PCLO: variants seen among roughly 807,000 people sequenced by gnomAD.
PCLO encodes the protein piccolo presynaptic cytomatrix protein.
In PCLO, 82 loss-of-function variants were observed where a neutral mutation model predicts 427.5. The observed-to-expected ratio is 0.19, with a 90% CI of 0.16 to 0.23. The LOEUF is 0.23. PCLO is among the 10% of genes least tolerant of loss of function. The pLI is 1.00. For synonymous variants in PCLO, 2,357 were observed against 2,155.4 expected, an observed-to-expected ratio of 1.09 and a Z score of -2.59; for missense variants, 6,239 against 6,115.9, an observed-to-expected ratio of 1.02 and a Z score of -0.67.
intron 22 of PCLO, among the ~76,000 whole-genome samples, chr7:82,788,975 T>A (rs1791043456): frequency 6.6e-6 from 1 of 152,084 alleles, no homozygotes; most frequent in Non-Finnish European, 1.5e-5. Context: ...GTTCTTTTAA[T>A]CTGTATCACA....
intron 22 of PCLO, among the ~76,000 whole-genome samples, chr7:82,777,012 C>T (rs1421888007): frequency 3.3e-5 from 5 of 151,848 alleles, no homozygotes; most frequent in Non-Finnish European, 7.4e-5. Flanking sequence ...GAGATATTCC[C>T]AACTTTTTAA....
chr7:82,812,907 T>A (rs1156995232), intron 20 of PCLO, among the ~76,000 whole-genome samples: 1 of 151,062 alleles, frequency 6.6e-6, no homozygotes, highest in African/African-American at 2.4e-5. Flanking sequence ...CAACTGACAA[T>A]TGGAGAAAAA....
intron 10 of PCLO, among the ~76,000 whole-genome samples, chr7:82,847,911 T>A (rs886246719): frequency 6.6e-6 from 1 of 152,158 alleles, no homozygotes; most frequent in Non-Finnish European, 1.5e-5. Flanking sequence ...GCTGTTGTCA[T>A]CTTGACATTC....
In PCLO at chr7:83,155,170, G is replaced by A. The variant is rs767318084; in HGVS notation, c.1471C>T (p.Pro491Ser). ...PQQPGPAKPP[P>S]QQPGSAKPPS... Reference sequence around the variant, plus strand: ...GGCTTTGCTGAGCCAGGCTGTTGAGGTGGGGGCTTTGCTGGGCCAGGCTGT... The same window carrying A: ...GGCTTTGCTGAGCCAGGCTGTTGAGATGGGGGCTTTGCTGGGCCAGGCTGT... Residue 491 changes from proline to serine, a missense_variant, in exon 2 of 25, where the codon CCT (proline) becomes TCT (serine). This residue lies in a region of PCLO where 4,677 missense variants were observed against 4,468.4 expected (regional missense o/e 1.05). Coordinates refer to ENST00000333891, the MANE Select transcript of PCLO (RefSeq NM_033026.6). 121 of 1,569,382 alleles carry A rather than the reference G, an allele frequency of 7.7e-5. 3 individuals are homozygous for A. The South Asian group carries it at 1.2e-3, about 16-fold the overall frequency.
At chr7:82,866,653 TATACACAC>T (rs1488911227) in intron 10 of PCLO, among the ~76,000 whole-genome samples, 1 of 97,378 alleles carries the variant, frequency 1.0e-5, no homozygotes, top group African/African-American at 4.1e-5. Context: ...AATGAAATTT[TATACACAC>T]ACACACACAC....
intron 3 of PCLO, among the ~76,000 whole-genome samples, chr7:83,050,271 T>TA (rs60841081): frequency 4.5e-4 from 43 of 94,650 alleles, no homozygotes; most frequent in South Asian, 1.6e-3. Context: ...AAGTGCTTTT[T>TA]AAAAAAAAAA....
chr7:82,803,278 G>A (rs887334481), intron 21 of PCLO, among the ~76,000 whole-genome samples: 1 of 152,070 alleles, frequency 6.6e-6, no homozygotes, highest in African/African-American at 2.4e-5. Flanking sequence ...AAACTCTATT[G>A]AAAGTGCAGG....
intron 16 of PCLO, among the ~76,000 whole-genome samples, chr7:82,830,490 C>T (rs1336980646): frequency 6.6e-6 from 1 of 151,806 alleles, no homozygotes; most frequent in Non-Finnish European, 1.5e-5. Context: ...TTAGTGACGA[C>T]TTTTAAGTTA....
At chr7:82,928,249 G>A (rs1794759368) in intron 6 of PCLO, among the ~76,000 whole-genome samples, 1 of 152,144 alleles carries the variant, frequency 6.6e-6, no homozygotes, top group South Asian at 2.1e-4. Flanking sequence ...TGTACTTGAA[G>A]CAAATGTTTA....
At chr7:82,811,910 TTA>T (rs1349501520) in intron 20 of PCLO, among the ~76,000 whole-genome samples, 1 of 151,372 alleles carries the variant, frequency 6.6e-6, no homozygotes, top group Non-Finnish European at 1.5e-5. Context: ...TAGATGACTA[TTA>T]GTCATTACAG....
At chr7:82,875,650 T>C (rs1793351846) in intron 10 of PCLO, among the ~76,000 whole-genome samples, 2 of 152,060 alleles carry the variant, frequency 1.3e-5, no homozygotes, top group Admixed American at 6.6e-5. Flanking sequence ...TCTATGCCAC[T>C]GAGTGCTGCA....
chr7:83,058,638 C>A (rs2116303998), intron 3 of PCLO, among the ~76,000 whole-genome samples: 1 of 152,170 alleles, frequency 6.6e-6, no homozygotes, highest in African/African-American at 2.4e-5. Flanking sequence ...TAAATTAACT[C>A]ATTTAATCCT....
In PCLO at chr7:82,960,623, T is replaced by G. The variant is rs185028461; in HGVS notation, c.4018-3688A>C. 1.6e-3 allele frequency among the ~76,000 whole-genome samples: 242 copies of G among 152,242 alleles called. 2 individuals carry two copies. The highest frequency in any genetic ancestry group is 3.4e-3 in the Middle Eastern group (1 of 294). Reference sequence around the variant, plus strand: ...ACTTTTAAAATATTAAACTAAAAATTTAAAAATGTGTATGTAATTTTCAAA... The same window carrying G: ...ACTTTTAAAATATTAAACTAAAAATGTAAAAATGTGTATGTAATTTTCAAA... On this transcript the variant is annotated intron_variant, in intron 4 of 24. Transcript: ENST00000333891.
chr7:82,886,378 A>C (rs1425985657), intron 9 of PCLO, among the ~76,000 whole-genome samples: 1 of 146,958 alleles, frequency 6.8e-6, no homozygotes, highest in Admixed American at 6.8e-5. Flanking sequence ...TATATCTGTT[A>C]AATGAATAAG....
At position 82,865,210 on chromosome 7, in the gene PCLO, G is replaced by A. The variant is rs532657178; in HGVS notation, c.13654+14127C>T. On this transcript the variant is annotated intron_variant, in intron 10 of 24. Transcript: ENST00000333891. ...CCACCTGTAGAACCACACAAATGCC[G>A]GGCATGGCGGCTTACACCTGGAGTC... Among the ~76,000 whole-genome samples the A allele has an allele frequency of 1.4e-4, 21 of 152,102 alleles. No homozygotes were observed. The East Asian group carries it at 2.7e-3, about 20-fold the overall frequency.
intron 22 of PCLO, among the ~76,000 whole-genome samples, chr7:82,776,143 ATTTTT>A (rs775561447): frequency 1.6e-4 from 24 of 152,098 alleles, no homozygotes; most frequent in Admixed American, 5.9e-4. Flanking sequence ...TTCCCTTGCA[ATTTTT>A]ATGTACCTTT....
At chr7:82,862,431 C>G (rs1372843697) in intron 10 of PCLO, among the ~76,000 whole-genome samples, 1 of 151,470 alleles carries the variant, frequency 6.6e-6, no homozygotes, top group South Asian at 2.1e-4. Flanking sequence ...TCATATGAAC[C>G]CACAATCCTA....
Position 82,956,076 on chromosome 7 carries a change from C to T in PCLO, c.4877G>A (p.Arg1626His), listed in dbSNP as rs1281951299. Residue 1626 changes from arginine to histidine, a missense_variant, in exon 5 of 25, where the codon CGT (arginine) becomes CAT (histidine). Transcript: ENST00000333891. Reference sequence around the variant, plus strand: ...ATCGTCTTCATCATGCCATGAGTGACGTCTTCCTGCATCTTCATCAATGCT... The same window carrying T: ...ATCGTCTTCATCATGCCATGAGTGATGTCTTCCTGCATCTTCATCAATGCT... ...STSIDEDAGR[R>H]HSWHDEDDEA... 17 of 1,611,988 alleles carry T rather than the reference C, an allele frequency of 1.1e-5. No individual in the cohort carries two copies. Among genetic ancestry groups the T allele is most frequent in the East Asian group, 2.2e-5 (1 of 44,882 alleles).
intron 6 of PCLO, among the ~76,000 whole-genome samples, chr7:82,917,487 T>G (rs1794495725): frequency 6.6e-6 from 1 of 152,074 alleles, no homozygotes; most frequent in Admixed American, 6.6e-5. Context: ...CATTGGAACC[T>G]TTTAAAAAAT....
Sources: allele counts gnomAD v4.1 joint callset (sites outside exome capture counted in the v4.1 genomes callset), GRCh38; gene constraint gnomAD v4.1.1; regional missense constraint gnomAD v4.1.1; transcripts MANE v1.5; gene names NCBI Gene and HGNC (gene_info 2026-07-23, HGNC 2026-07-21).